Variants in HS3ST3B1 observed in about 807,000 individuals in gnomAD.
HS3ST3B1 encodes heparan sulfate-glucosamine 3-sulfotransferase 3B1, also known as heparan sulfate glucosamine 3-O-sulfotransferase 3B1.
In HS3ST3B1, 13 loss-of-function variants were observed where a neutral mutation model predicts 21.3. The observed-to-expected ratio is 0.61, with a 90% CI of 0.40 to 0.97. The LOEUF (loss-of-function observed/expected upper bound fraction) is 0.97. Ranked by LOEUF, HS3ST3B1 falls within the 50% of genes least tolerant of loss-of-function variation. The probability of loss-of-function intolerance (pLI) is 0.00; values close to 1 mark genes in which losing one functional copy is unlikely to be tolerated. For missense variants in HS3ST3B1, 459 were observed against 554.8 expected (o/e 0.83, Z 1.73); for synonymous variants, 234 against 254.8 (o/e 0.92, Z 0.78).
chr17:14,328,188 A>G (rs372863468), intron 1 of HS3ST3B1: 1 of 152,304 alleles, frequency 6.6e-6, no homozygotes, highest in African/African-American at 2.4e-5. Context: ...GTAACAAATA[A>G]TCATGGAACC....
intron 1 of HS3ST3B1, chr17:14,305,226 C>G (rs546910547): frequency 6.6e-6 from 1 of 152,408 alleles, no homozygotes; most frequent in Admixed American, 6.5e-5. Flanking sequence ...GATGACTCTT[C>G]TGGGTTGACT....
intron 1 of HS3ST3B1, among the ~76,000 whole-genome samples, chr17:14,311,951 G>T (rs1215232335): frequency 6.6e-6 from 1 of 152,164 alleles, no homozygotes; most frequent in Non-Finnish European, 1.5e-5. Flanking sequence ...TAAATTACTA[G>T]TAAATCTGAA....
chr17:14,315,355 C>T (rs527854269), intron 1 of HS3ST3B1, among the ~76,000 whole-genome samples: 1 of 152,216 alleles, frequency 6.6e-6, no homozygotes, highest in Non-Finnish European at 1.5e-5. Context: ...TAGCAACACG[C>T]ACACTGGCTA....
chr17:14,336,786 A>AT (rs1027985497), intron 1 of HS3ST3B1, among the ~76,000 whole-genome samples: 36 of 152,250 alleles, frequency 2.4e-4, no homozygotes, highest in Non-Finnish European at 4.3e-4. Context: ...CTTTCATGGA[A>AT]TTTTTTTCTT....
At chr17:14,304,163 C>G (rs1261876835) in intron 1 of HS3ST3B1, 1 of 152,194 alleles carries the variant, frequency 6.6e-6, no homozygotes, top group Non-Finnish European at 1.5e-5. Flanking sequence ...GGCGGCTGGA[C>G]CCGGGCGGCC....
intron 1 of HS3ST3B1, among the ~76,000 whole-genome samples, chr17:14,344,523 G>A (rs994082942): frequency 1.3e-5 from 2 of 152,114 alleles, no homozygotes; most frequent in Non-Finnish European, 2.9e-5. Context: ...TGTTAAAGCC[G>A]GAACAACTGG....
At chr17:14,331,696 C>T (rs1200722296) in intron 1 of HS3ST3B1, among the ~76,000 whole-genome samples, 1 of 152,150 alleles carries the variant, frequency 6.6e-6, no homozygotes, top group Non-Finnish European at 1.5e-5. Context: ...CCCACGGATC[C>T]TGCTGCGAAA....
chr17:14,337,697 C>T (rs1414916803), intron 1 of HS3ST3B1, among the ~76,000 whole-genome samples: 2 of 151,580 alleles, frequency 1.3e-5, no homozygotes, highest in African/African-American at 4.9e-5. Context: ...GGACACAAGC[C>T]CTCACTGGCC....
chr17:14,324,447 T>C, intron 1 of HS3ST3B1, among the ~76,000 whole-genome samples: 1 of 152,160 alleles, frequency 6.6e-6, no homozygotes. Context: ...ATAAGGGTCT[T>C]GCCATGTGGC....
intron 1 of HS3ST3B1, among the ~76,000 whole-genome samples, chr17:14,338,192 C>T (rs1910247490): frequency 1.3e-5 from 2 of 151,908 alleles, no homozygotes; most frequent in Admixed American, 1.3e-4. Flanking sequence ...GTGGTGCAAT[C>T]TCAGCTCACT....
At chr17:14,341,697 C>T (rs1350193121) in intron 1 of HS3ST3B1, among the ~76,000 whole-genome samples, 1 of 152,110 alleles carries the variant, frequency 6.6e-6, no homozygotes, top group East Asian at 1.9e-4. Context: ...ACCCCTAAAC[C>T]CCCTTCTCTG....
In HS3ST3B1 at chr17:14,347,462, T is replaced by C. The variant is rs927074448; in HGVS notation, c.*1816T>C. 6.6e-6 allele frequency: 1 copy of C among 152,236 alleles called. No individual in the cohort carries two copies. The highest frequency in any genetic ancestry group is 2.4e-5 in the African/African-American group (1 of 41,466). 9.4% of individuals were successfully genotyped at this position (152,236 alleles called of 1,614,324 possible). On this transcript the variant is annotated 3_prime_UTR_variant, in exon 2 of 2. Coordinates refer to ENST00000360954, the MANE Select transcript of HS3ST3B1 (RefSeq NM_006041.3). ...CATAAAAGAATTGTGATTTCAGTTA[T>C]ACTTCCATCAAGGAATATGTGGGAA...
intron 1 of HS3ST3B1, among the ~76,000 whole-genome samples, chr17:14,314,740 C>T (rs1909445329): frequency 6.6e-6 from 1 of 152,208 alleles, no homozygotes. Context: ...AATCGTCTCT[C>T]CTTCCGACAT....
chr17:14,320,782 A>G (rs1237920902), intron 1 of HS3ST3B1, among the ~76,000 whole-genome samples: 1 of 152,148 alleles, frequency 6.6e-6, no homozygotes, highest in Non-Finnish European at 1.5e-5. Context: ...TAGAAATTCC[A>G]TTTCTCAGCT....
At chr17:14,321,842 ACTC>A (rs1358038349) in intron 1 of HS3ST3B1, among the ~76,000 whole-genome samples, 5 of 152,104 alleles carry the variant, frequency 3.3e-5, no homozygotes, top group South Asian at 2.1e-4. Context: ...TGAAAAATGA[ACTC>A]CTAAAATAAA....
rs552056524 is a variant in HS3ST3B1, at chr17:14,335,672, C to T, written c.555-9356C>T. Among the ~76,000 whole-genome samples, 40 of 150,526 alleles carry T rather than the reference C, an allele frequency of 2.7e-4. 1 individual carries two copies. The highest frequency in any genetic ancestry group is 2.5e-3 in the Admixed American group (38 of 15,112). On this transcript the variant is annotated intron_variant, in intron 1 of 1. Coordinates refer to ENST00000360954, the MANE Select transcript of HS3ST3B1 (RefSeq NM_006041.3). The stretch of plus-strand genomic sequence containing the variant: ...TCGCACCACTGCACTCCAGCCAGGG[C>T]AACAGAGCAAGACTCTGTCTCAAAA...
intron 1 of HS3ST3B1, chr17:14,328,896 C>T (rs996076871): frequency 2.6e-5 from 4 of 152,116 alleles, no homozygotes; most frequent in East Asian, 1.9e-4. Context: ...TTTTCTAAAA[C>T]GTTGTTGAGC....
At chr17:14,337,208 T>C (rs1337093143) in intron 1 of HS3ST3B1, among the ~76,000 whole-genome samples, 1 of 152,224 alleles carries the variant, frequency 6.6e-6, no homozygotes, top group Non-Finnish European at 1.5e-5. Context: ...GGTGGACTTA[T>C]CTTTCTTCTA....
At chr17:14,331,643 G>C (rs1015236664) in intron 1 of HS3ST3B1, among the ~76,000 whole-genome samples, 3 of 152,080 alleles carry the variant, frequency 2.0e-5, no homozygotes, top group African/African-American at 7.2e-5. Context: ...AAAGAGAAAG[G>C]CCTAGTAAAC....
Sources: gnomAD v4.1 joint callset for allele counts (sites outside exome capture counted in the v4.1 genomes callset) on GRCh38, gnomAD v4.1.1 for gene constraint, MANE v1.5 for transcripts, NCBI Gene and HGNC (gene_info 2026-07-23, HGNC 2026-07-21) for gene names.